LIMK2: variants seen among roughly 807,000 people sequenced by gnomAD.
LIMK2 encodes LIM domain kinase 2.
Under a neutral mutation model 75.7 loss-of-function variants are expected in LIMK2, and 35 were observed. The observed-to-expected ratio is 0.46, with a 90% CI of 0.35 to 0.61. The LOEUF is 0.61. Among genes scored for constraint, LIMK2 ranks in the 20% least tolerant of loss-of-function variants. The probability of loss-of-function intolerance (pLI) is 0.00; values close to 1 mark genes in which losing one functional copy is unlikely to be tolerated. For synonymous variants in LIMK2, 301 were observed against 319.2 expected (o/e 0.94, Z 0.61); for missense variants, 623 against 831.0 (o/e 0.75, Z 3.08).
At chr22:31,222,963 T>G (rs2048449654) in intron 1 of LIMK2, 1 of 151,980 alleles carries the variant, frequency 6.6e-6, no homozygotes, top group South Asian at 2.1e-4. Flanking sequence ...TTCTAAGAAG[T>G]AAGATGGAAT....
At chr22:31,277,263 C>T in intron 15 of LIMK2, 1 of 1,524,712 alleles carries the variant, frequency 6.6e-7, no homozygotes, top group Non-Finnish European at 8.8e-7. Context: ...GCTCCTCGTG[C>T]CCCTGGCCCA....
chr22:31,248,788 T>A (rs1568991847), intron 2 of LIMK2: 1 of 1,613,428 alleles, frequency 6.2e-7, no homozygotes, highest in Non-Finnish European at 8.5e-7. Flanking sequence ...GTCTCCGAGT[T>A]CCCCTCTCCA....
intron 2 of LIMK2, among the ~76,000 whole-genome samples, chr22:31,226,431 G>A (rs1384582648): frequency 1.3e-5 from 2 of 151,732 alleles, no homozygotes; most frequent in African/African-American, 4.8e-5. Context: ...TTGAACTCCT[G>A]ACCTCAAATG....
At chr22:31,264,162 C>T (rs1409221992) in intron 7 of LIMK2, among the ~76,000 whole-genome samples, 2 of 152,044 alleles carry the variant, frequency 1.3e-5, no homozygotes. Context: ...GGAGGCAGGG[C>T]AACAGAGGGC....
In LIMK2 at chr22:31,275,192, A is replaced by T; in HGVS notation, c.1656A>T (p.Arg552=). The stretch of plus-strand genomic sequence containing the variant: ...ATGCAGATCCTGACTGCCTTCCCCG[A>T]ACACTGGACTTTGGCCTCAACGTGA... ...QVYADPDCLP[R]TLDFGLNVKL... The change falls in exon 15 of 16, where the codon CGA becomes CGT. Residue 552 remains arginine, a synonymous_variant. Coordinates refer to ENST00000331728, the MANE Select transcript of LIMK2 (RefSeq NM_005569.4). The T allele has an allele frequency of 6.2e-7, 1 of 1,614,168 alleles. No individual in the cohort carries two copies. The highest frequency in any genetic ancestry group is 8.5e-7 in the Non-Finnish European group (1 of 1,180,038).
chr22:31,272,345 G>T, intron 12 of LIMK2, 185 bp from the exon 13 acceptor site: 1 of 446,646 alleles, frequency 2.2e-6, no homozygotes, highest in Non-Finnish European at 3.8e-6. Context: ...AAAGTTCTGG[G>T]ATTACAGGTG....
intron 2 of LIMK2, among the ~76,000 whole-genome samples, chr22:31,228,023 T>TGC (rs962020877): frequency 1.1e-5 from 1 of 90,360 alleles, no homozygotes; most frequent in Non-Finnish European, 2.0e-5. Context: ...TGTGCGTGCG[T>TGC]GTGTGTGTGT....
intron 7 of LIMK2, among the ~76,000 whole-genome samples, chr22:31,265,524 C>T (rs952309134): frequency 6.0e-5 from 9 of 151,194 alleles, no homozygotes; most frequent in Non-Finnish European, 1.2e-4. Context: ...GTTGACAGAG[C>T]GAGACTCTGT....
chr22:31,272,522 C>T lies in LIMK2; in HGVS notation c.1384-8C>T. 10 of 1,604,106 alleles carry T rather than the reference C, an allele frequency of 6.2e-6. No homozygotes were observed. The highest frequency in any genetic ancestry group is 6.8e-6 in the Non-Finnish European group (8 of 1,176,206). ...CATGAAGTCCTGACCTGTCTTTTAT[C>T]CTACCAGGACAAGACTGTGGTGGTG... On this transcript the variant is annotated splice_region_variant and splice_polypyrimidine_tract_variant and intron_variant, in intron 12 of 15. Transcript: ENST00000331728.
intron 12 of LIMK2, among the ~76,000 whole-genome samples, chr22:31,271,826 T>C (rs556993146): frequency 6.6e-6 from 1 of 152,288 alleles, no homozygotes; most frequent in Admixed American, 6.5e-5. Flanking sequence ...ACCTTGCCTT[T>C]TTCTGTCTTA....
At position 31,278,660 on chromosome 22, in the gene LIMK2, C is replaced by T. The variant is rs984058716; in HGVS notation, c.*219C>T. The T allele has an allele frequency of 3.4e-4, 140 of 416,852 alleles. No homozygotes were observed. The highest frequency in any genetic ancestry group is 2.7e-3 in the African/African-American group (134 of 49,208). The allele number at this position is 416,852 out of a possible 1,614,324, so 25.8% of individuals were successfully genotyped here. On this transcript the variant is annotated 3_prime_UTR_variant, in exon 16 of 16. Coordinates refer to ENST00000331728, the MANE Select transcript of LIMK2 (RefSeq NM_005569.4). ...GGGGCCTAGTTACTGTCTGTAAATC[C>T]AATACTTGCCTGAAAGCTGTGAAGA... is the stretch of plus-strand genomic sequence containing the variant.
At chr22:31,275,398 G>A (rs2049003454) in intron 15 of LIMK2, 90 bp downstream of exon 15, 1 of 1,336,668 alleles carries the variant, frequency 7.5e-7, no homozygotes, top group Non-Finnish European at 1.0e-6. Context: ...GCAAGCACAG[G>A]GGTGAGAGAA....
chr22:31,272,977 A>G (rs1229095810), intron 13 of LIMK2: 5 of 1,222,298 alleles, frequency 4.1e-6, no homozygotes, highest in Non-Finnish European at 5.1e-6. Context: ...CTATTGTCCC[A>G]GCTTTAGCCT....
In LIMK2 at chr22:31,217,392, G is replaced by A. The variant is rs542484130; in HGVS notation, c.16+4968G>A. ...AGCCTGGGTGACAGAGCGAGACTCC[G>A]TCTCAGAAAAAAAAAAAAAGACAGG... is the stretch of plus-strand genomic sequence containing the variant. On this transcript the variant is annotated intron_variant, in intron 1 of 15. Transcript: ENST00000331728. 1.7e-4 allele frequency among the ~76,000 whole-genome samples: 25 copies of A among 149,608 alleles called. No homozygotes were observed. The South Asian group carries it at 4.7e-3, about 28-fold the overall frequency.
At chr22:31,238,788 C>T (rs567634456) in intron 2 of LIMK2, among the ~76,000 whole-genome samples, 6 of 152,290 alleles carry the variant, frequency 3.9e-5, no homozygotes, top group African/African-American at 7.2e-5. Context: ...TAAGATCACA[C>T]GCAGATTTTC....
At chr22:31,257,040 ATTTTTTTTTTTT>A (rs529919320) in intron 2 of LIMK2, among the ~76,000 whole-genome samples, 40 of 75,078 alleles carry the variant, frequency 5.3e-4, no homozygotes, top group Non-Finnish European at 1.1e-3. Flanking sequence ...GGAGCTATAG[ATTTTTTTTTTTT>A]TTTTTTTTTT....
chr22:31,274,785 G>A (rs943190247), intron 14 of LIMK2, among the ~76,000 whole-genome samples: 4 of 152,140 alleles, frequency 2.6e-5, no homozygotes, highest in Non-Finnish European at 5.9e-5. Flanking sequence ...GTGCCAGAGG[G>A]TTTCAGACAT....
At chr22:31,277,808 T>C (rs1477685908) in intron 15 of LIMK2, among the ~76,000 whole-genome samples, 1 of 152,078 alleles carries the variant, frequency 6.6e-6, no homozygotes, top group Non-Finnish European at 1.5e-5. Flanking sequence ...GCAGATGCTA[T>C]GGAAAAAGAG....
chr22:31,212,478 A>C (rs2048355127), intron 1 of LIMK2, 54 bp downstream of exon 1: 3 of 1,311,556 alleles, frequency 2.3e-6, no homozygotes, highest in Non-Finnish European at 2.9e-6. Flanking sequence ...GTCCGGTTCC[A>C]TGGCGCCTGA....
Sources: allele counts gnomAD v4.1 joint callset (sites outside exome capture counted in the v4.1 genomes callset), GRCh38; gene constraint gnomAD v4.1.1; transcripts MANE v1.5; gene names NCBI Gene and HGNC (gene_info 2026-07-23, HGNC 2026-07-21).